Variants in RANBP17 observed in about 807,000 individuals in gnomAD.
The protein encoded by RANBP17 is ran-binding protein 17.
Under a neutral mutation model 141.2 loss-of-function variants are expected in RANBP17, and 158 were observed. The ratio of observed to expected loss-of-function variants is 1.12; its 90% CI spans 0.98 to 1.28. RANBP17 has a LOEUF of 1.28. Ranked by LOEUF, RANBP17 falls within the 50% of genes most tolerant of loss-of-function variation. The pLI, the probability that RANBP17 is intolerant of heterozygous loss-of-function variation, is 0.00. For missense variants in RANBP17, 1,438 were observed against 1,290.7 expected (o/e 1.11, Z -1.75); for synonymous variants, 430 against 450.0 (o/e 0.96, Z 0.56).
At chr5:171,004,610 G>T (rs1779452524) in intron 14 of RANBP17, among the ~76,000 whole-genome samples, 1 of 152,156 alleles carries the variant, frequency 6.6e-6, no homozygotes, top group African/African-American at 2.4e-5. Context: ...CAGCATCCAT[G>T]ATAGTCCAGG....
chr5:171,141,416 G>A (rs1458374896), intron 14 of RANBP17, among the ~76,000 whole-genome samples: 12 of 149,460 alleles, frequency 8.0e-5, no homozygotes, highest in South Asian at 2.1e-4. Flanking sequence ...CTAGCATGGT[G>A]AAACCCCATC....
At chr5:170,864,577 G>C (rs1258809418) in intron 1 of RANBP17, among the ~76,000 whole-genome samples, 1 of 152,138 alleles carries the variant, frequency 6.6e-6, no homozygotes, top group Non-Finnish European at 1.5e-5. Context: ...TCCCTGACAG[G>C]CAATCCAGAT....
At chr5:171,141,941 A>G (rs1757732442) in intron 14 of RANBP17, among the ~76,000 whole-genome samples, 1 of 152,142 alleles carries the variant, frequency 6.6e-6, no homozygotes, top group Non-Finnish European at 1.5e-5. Context: ...GTTTTCTTTT[A>G]TACCTATTTA....
chr5:171,261,919 T>C (rs2128015877), intron 24 of RANBP17, among the ~76,000 whole-genome samples: 1 of 152,348 alleles, frequency 6.6e-6, no homozygotes, highest in South Asian at 2.1e-4. Context: ...GTGATCCTTA[T>C]GATTCCACAC....
At chr5:171,258,118 T>TACACACACACACAC (rs34304503) in intron 24 of RANBP17, among the ~76,000 whole-genome samples, 1 of 128,286 alleles carries the variant, frequency 7.8e-6, no homozygotes, top group African/African-American at 3.0e-5. Flanking sequence ...AAAAAAAAAA[T>TACACACACACACAC]ACACACACAC....
intron 24 of RANBP17, among the ~76,000 whole-genome samples, chr5:171,248,858 C>A (rs1195563154): frequency 6.6e-6 from 1 of 152,186 alleles, no homozygotes; most frequent in Non-Finnish European, 1.5e-5. Context: ...ACTGCTACTT[C>A]CATCACCCAT....
chr5:170,940,464 ATG>A (rs1774236139), intron 12 of RANBP17, among the ~76,000 whole-genome samples: 1 of 152,154 alleles, frequency 6.6e-6, no homozygotes. Context: ...TCACCCAGGC[ATG>A]CAAATATTCC....
At chr5:171,024,698 G>A (rs1781116939) in intron 14 of RANBP17, among the ~76,000 whole-genome samples, 1 of 151,970 alleles carries the variant, frequency 6.6e-6, no homozygotes, top group Admixed American at 6.6e-5. Flanking sequence ...AATCTCTGTA[G>A]CAACTTCTTC....
chr5:171,086,658 T>G (rs1439374192), intron 14 of RANBP17, among the ~76,000 whole-genome samples: 16 of 150,700 alleles, frequency 1.1e-4, no homozygotes, highest in Non-Finnish European at 2.2e-4. Flanking sequence ...ATTGGTCTAT[T>G]CACAGATTCA....
chr5:171,295,176 GA>G (rs1422388391), intron 26 of RANBP17, among the ~76,000 whole-genome samples: 1 of 152,148 alleles, frequency 6.6e-6, no homozygotes, highest in Non-Finnish European at 1.5e-5. Flanking sequence ...TCTTTGTGCT[GA>G]AATTAGGCTG....
rs760281856 is a variant in RANBP17, at chr5:171,293,972, C to T, written c.3033C>T (p.Leu1011=). The T allele has an allele frequency of 2.5e-6, 4 of 1,612,296 alleles. No homozygotes were observed. In the South Asian group the frequency reaches 4.4e-5, roughly 18 times the overall value. The change falls in exon 26 of 28, where the codon CTC becomes CTT. Residue 1011 remains leucine, a synonymous_variant. Transcript: ENST00000523189. The part of the protein sequence containing the change: ...VSRPLLGLIL[L]NEKYFSELRA... ...GGCCTCTCCTGGGGCTCATCCTGCT[C>T]AATGAGAAGGTGAGTGTGATTGCAG...
At chr5:170,957,607 G>A (rs1044398942) in intron 13 of RANBP17, among the ~76,000 whole-genome samples, 3 of 152,064 alleles carry the variant, frequency 2.0e-5, no homozygotes. Context: ...GCAAATAATT[G>A]CCCTTTTTAT....
chr5:170,962,241 AC>A (rs1346564550), intron 13 of RANBP17, among the ~76,000 whole-genome samples: 3 of 152,158 alleles, frequency 2.0e-5, no homozygotes, highest in Non-Finnish European at 4.4e-5. Context: ...AACTGCTAAA[AC>A]TTCTTTGACA....
intron 25 of RANBP17, chr5:171,271,103 T>TTTTTTTTTTTTTTTTTTTA: frequency 7.6e-6 from 1 of 131,512 alleles, no homozygotes; most frequent in Non-Finnish European, 1.6e-5. Context: ...TTTTTTTTTT[T>TTTTTTTTTTTTTTTTTTTA]TTTTTTTTTT....
intron 26 of RANBP17, among the ~76,000 whole-genome samples, chr5:171,295,541 G>C (rs1449515769): frequency 6.6e-6 from 1 of 152,038 alleles, no homozygotes; most frequent in Non-Finnish European, 1.5e-5. Flanking sequence ...CTTCAGTCTG[G>C]GGGCCCCTCC....
rs1764993116 is a variant in RANBP17 at position 171,243,115 on chromosome 5, AACC to A, written c.2776+301_2776+303del. The A allele has an allele frequency of 1.4e-5, 4 of 290,002 alleles. No homozygotes were observed. In the South Asian group the frequency reaches 2.4e-4, roughly 18 times the overall value. 18.0% of individuals were successfully genotyped at this position (290,002 alleles called of 1,614,324 possible). ...CAAATGTGTACATGTACACAAACAT[AACC>A]ACCACGACCAATATGTAGCACATTT... On this transcript the variant is annotated intron_variant, in intron 24 of 27. Transcript: ENST00000523189.
chr5:171,040,560 G>A (rs1782188573), intron 14 of RANBP17, among the ~76,000 whole-genome samples: 1 of 152,090 alleles, frequency 6.6e-6, no homozygotes, highest in South Asian at 2.1e-4. Context: ...AAATAGGTGA[G>A]ATATGAAGTT....
intron 13 of RANBP17, among the ~76,000 whole-genome samples, chr5:170,966,504 T>G (rs1776577033): frequency 6.6e-6 from 1 of 152,154 alleles, no homozygotes; most frequent in South Asian, 2.1e-4. Flanking sequence ...CCCTTCAAGC[T>G]AAAAACTCTC....
Position 170,916,584 on chromosome 5 carries a change from G to A in RANBP17, c.954G>A (p.Gln318=). Residue 318 remains glutamine (Q), a splice_region_variant and synonymous_variant, in exon 9 of 28, where the codon CAG becomes CAA. Coordinates refer to ENST00000523189, the MANE Select transcript of RANBP17 (RefSeq NM_022897.5). ...TAAAAAGGATACTTGAAAACCCTCA[G>A]GTATTTATGAAGTAATTTAATACTT... The part of the protein sequence containing the change: ...KGVKRILENP[Q]GLSDPGNYHE... 1 of 1,531,028 alleles carries A rather than the reference G, an allele frequency of 6.5e-7. No homozygotes were observed. The highest frequency in any genetic ancestry group is 8.8e-7 in the Non-Finnish European group (1 of 1,131,218). 94.8% of individuals were successfully genotyped at this position (1,531,028 alleles called of 1,614,324 possible).
Sources: gnomAD v4.1 joint callset for allele counts (sites outside exome capture counted in the v4.1 genomes callset) on GRCh38, gnomAD v4.1.1 for gene constraint, MANE v1.5 for transcripts, NCBI Gene and HGNC (gene_info 2026-07-23, HGNC 2026-07-21) for gene names.